Variants in ATXN7 observed in about 807,000 individuals in gnomAD.
The protein encoded by ATXN7 is ataxin-7.
ATXN7 carries 12 observed loss-of-function variants against 70.5 expected under a neutral mutation model. The observed-to-expected ratio is 0.17, with a 90% CI of 0.11 to 0.28. ATXN7 has a LOEUF of 0.28. ATXN7 is among the 10% of genes least tolerant of loss of function. The pLI is 1.00. For missense variants in ATXN7, 1,256 were observed against 1,131.7 expected (o/e 1.11, Z -1.58); for synonymous variants, 498 against 448.7 (o/e 1.11, Z -1.39).
intron 4 of ATXN7, among the ~76,000 whole-genome samples, chr3:63,935,384 CTT>C (rs557509743): frequency 3.0e-4 from 46 of 152,160 alleles, no homozygotes; most frequent in Non-Finnish European, 5.6e-4. Flanking sequence ...CTACTTTTCT[CTT>C]GTTTTAGTAT....
At chr3:63,863,484 C>G, upstream of ATXN7, 1 of 1,171,614 alleles carries the variant, frequency 8.5e-7, no homozygotes, top group Non-Finnish European at 1.1e-6. Flanking sequence ...CCCAGCCCAC[C>G]GACCACGCTC....
chr3:63,943,913 C>G (rs1184846698), intron 4 of ATXN7, among the ~76,000 whole-genome samples: 1 of 152,180 alleles, frequency 6.6e-6, no homozygotes, highest in Non-Finnish European at 1.5e-5. Context: ...CCTTCCTTAC[C>G]TAGGTCAATA....
chr3:63,909,080 G>A (rs944025242), intron 2 of ATXN7, among the ~76,000 whole-genome samples: 1 of 152,190 alleles, frequency 6.6e-6, no homozygotes, highest in Non-Finnish European at 1.5e-5. Context: ...TGCCTAGTCT[G>A]TAGCAGGCAA....
At chr3:63,863,287 C>T, upstream of ATXN7, 1 of 264,532 alleles carries the variant, frequency 3.8e-6, no homozygotes, top group Non-Finnish European at 5.9e-6. Context: ...ATTCCCGCCC[C>T]GTCCCTGGAG....
At chr3:63,944,098 C>T (rs540263688) in intron 4 of ATXN7, among the ~76,000 whole-genome samples, 1 of 152,240 alleles carries the variant, frequency 6.6e-6, no homozygotes, top group South Asian at 2.1e-4. Flanking sequence ...AGCACAAGAC[C>T]ACTTGAGAGT....
At chr3:63,898,151 T>A (rs908059230) in intron 1 of ATXN7, among the ~76,000 whole-genome samples, 1 of 152,138 alleles carries the variant, frequency 6.6e-6, no homozygotes, top group African/African-American at 2.4e-5. Context: ...CCCAGGAGGC[T>A]AACTCTGTGT....
At chr3:63,931,687 C>G (rs1704969799) in intron 4 of ATXN7, among the ~76,000 whole-genome samples, 1 of 152,092 alleles carries the variant, frequency 6.6e-6, no homozygotes, top group East Asian at 1.9e-4. Context: ...ATTAGGTGAT[C>G]TCCTTTGTCT....
intron 1 of ATXN7, among the ~76,000 whole-genome samples, chr3:63,897,383 A>C (rs1438611790): frequency 6.6e-6 from 1 of 152,246 alleles, no homozygotes; most frequent in Non-Finnish European, 1.5e-5. Flanking sequence ...AGAGGGAAGC[A>C]GTATGACCTG....
chr3:63,871,575 A>G (rs752420910), intron 1 of ATXN7, among the ~76,000 whole-genome samples: 14 of 152,222 alleles, frequency 9.2e-5, no homozygotes, highest in Non-Finnish European at 1.6e-4. Context: ...CTAAATACCT[A>G]TGGATAGGGG....
chr3:63,970,692 T>G (rs2106722103), intron 5 of ATXN7, among the ~76,000 whole-genome samples: 1 of 152,300 alleles, frequency 6.6e-6, no homozygotes, highest in South Asian at 2.1e-4. Flanking sequence ...GTTGCCATAT[T>G]TCTGCTCCTT....
chr3:63,977,013 G>A (rs1034140676), intron 5 of ATXN7, among the ~76,000 whole-genome samples: 2 of 152,174 alleles, frequency 1.3e-5, no homozygotes, highest in African/African-American at 4.8e-5. Flanking sequence ...ATGGAAGGAG[G>A]TTATCTGAAA....
Position 63,956,420 on chromosome 3 carries a change from C to CAAAAA in ATXN7, c.499+3959_499+3963dup, listed in dbSNP as rs1175948780. Among the ~76,000 whole-genome samples the CAAAAA allele has an allele frequency of 1.5e-3, 54 of 36,690 alleles. 3 individuals are homozygous for CAAAAA. Among genetic ancestry groups the CAAAAA allele is most frequent in the African/African-American group, 5.0e-3 (51 of 10,262 alleles). The allele number at this position is 36,690 out of a possible 152,430, so 24.1% of individuals were successfully genotyped here. On this transcript the variant is annotated intron_variant, in intron 5 of 12. Coordinates refer to ENST00000674280, the MANE Select transcript of ATXN7 (RefSeq NM_001377405.1). Reference sequence around the variant, plus strand: ...TGGGTGACGGAGCGAGACTGCATCTCAAAAAAAAAAAAAAAAAAAAAAAAA... The same window carrying CAAAAA: ...TGGGTGACGGAGCGAGACTGCATCTCAAAAAAAAAAAAAAAAAAAAAAAAAAAAAA...
chr3:63,889,987 T>C (rs1703207299), intron 1 of ATXN7, among the ~76,000 whole-genome samples: 2 of 152,238 alleles, frequency 1.3e-5, no homozygotes, highest in South Asian at 4.1e-4. Context: ...ATGATTGTAC[T>C]TAAAGTAGCT....
intron 4 of ATXN7, among the ~76,000 whole-genome samples, chr3:63,941,422 A>G (rs1335587898): frequency 2.0e-5 from 3 of 152,198 alleles, no homozygotes; most frequent in Non-Finnish European, 4.4e-5. Context: ...TGTGAACTGC[A>G]CGTGCAAGGT....
chr3:63,951,200 C>G (rs1035016450), intron 4 of ATXN7, among the ~76,000 whole-genome samples: 1 of 152,050 alleles, frequency 6.6e-6, no homozygotes, highest in African/African-American at 2.4e-5. Flanking sequence ...CTGTGCAATT[C>G]AGTGTAATAG....
intron 6 of ATXN7, among the ~76,000 whole-genome samples, chr3:63,981,120 C>A (rs1471304531): frequency 2.0e-5 from 3 of 152,172 alleles, no homozygotes; most frequent in Non-Finnish European, 2.9e-5. Context: ...CCTGGTTAAT[C>A]TCAGGGTAGG....
chr3:63,911,345 G>C (rs1358832386), intron 2 of ATXN7, among the ~76,000 whole-genome samples: 2 of 152,112 alleles, frequency 1.3e-5, no homozygotes, highest in Non-Finnish European at 2.9e-5. Flanking sequence ...GTGTATGTTG[G>C]GGAGGGGTGC....
At chr3:63,965,020 A>G (rs181026899) in intron 5 of ATXN7, among the ~76,000 whole-genome samples, 11 of 152,262 alleles carry the variant, frequency 7.2e-5, no homozygotes, top group East Asian at 1.9e-4. Flanking sequence ...ATAACTGCCA[A>G]CAGCTTGTTT....
intron 5 of ATXN7, among the ~76,000 whole-genome samples, chr3:63,968,151 G>A (rs982153309): frequency 1.3e-5 from 2 of 152,146 alleles, no homozygotes; most frequent in Non-Finnish European, 2.9e-5. Context: ...CAGCAGGCCA[G>A]GAGGGTTCTG....
Sources: allele counts gnomAD v4.1 joint callset (sites outside exome capture counted in the v4.1 genomes callset), GRCh38; gene constraint gnomAD v4.1.1; transcripts MANE v1.5; gene names NCBI Gene and HGNC (gene_info 2026-07-23, HGNC 2026-07-21).